LPAR6: variants seen among roughly 807,000 people sequenced by gnomAD.
LPAR6 encodes G-protein coupled purinergic receptor P2Y5.
Under a neutral mutation model 22.0 loss-of-function variants are expected in LPAR6, and 17 were observed. The ratio of observed to expected loss-of-function variants is 0.77; its 90% confidence interval spans 0.53 to 1.16. The LOEUF is 1.16. Among genes scored for constraint, LPAR6 ranks in the 50% most tolerant of loss-of-function variants. The probability of loss-of-function intolerance (pLI) is 0.00; values close to 1 mark genes in which losing one functional copy is unlikely to be tolerated. For synonymous variants in LPAR6, 136 were observed against 139.8 expected (o/e 0.97, Z 0.19); for missense variants, 384 against 406.9 (o/e 0.94, Z 0.48).
At chr13:48,400,655 G>T (rs910326574) in intron 1 of LPAR6, among the ~76,000 whole-genome samples, 5 of 152,214 alleles carry the variant, frequency 3.3e-5, no homozygotes, top group African/African-American at 1.2e-4. Flanking sequence ...GAGGTCCAGA[G>T]ATGTCATGTA....
chr13:48,423,613 C>A (rs868217251), intron 1 of LPAR6, among the ~76,000 whole-genome samples: 1 of 152,190 alleles, frequency 6.6e-6, no homozygotes, highest in Admixed American at 6.5e-5. Context: ...TTAAAGAATT[C>A]TCTCATTAAA....
chr13:48,408,809 T>A (rs369062550), downstream of LPAR6: 1 of 152,322 alleles, frequency 6.6e-6, no homozygotes, highest in African/African-American at 2.4e-5. Context: ...ATGAACATAG[T>A]AATAACAACT....
upstream of LPAR6, among the ~76,000 whole-genome samples, chr13:48,413,349 AGTT>A (rs1435623414): frequency 6.6e-6 from 1 of 152,126 alleles, no homozygotes; most frequent in Non-Finnish European, 1.5e-5. Flanking sequence ...AACCTCTCAG[AGTT>A]GTTTTGATTT....
At chr13:48,438,693 T>C (rs1949207518) in intron 1 of LPAR6, among the ~76,000 whole-genome samples, 1 of 152,208 alleles carries the variant, frequency 6.6e-6, no homozygotes, top group Non-Finnish European at 1.5e-5. Flanking sequence ...CTACCTTTCT[T>C]CACTTATAAA....
At chr13:48,401,637 A>G (rs1394908129) in intron 1 of LPAR6, among the ~76,000 whole-genome samples, 1 of 152,122 alleles carries the variant, frequency 6.6e-6, no homozygotes, top group Non-Finnish European at 1.5e-5. Context: ...TGTTGTTACT[A>G]ATTTACTTAA....
At position 48,411,941 on chromosome 13, in the gene LPAR6, AC is replaced by A; in HGVS notation, c.482del (p.Gly161ValfsTer25). Reference sequence around the variant, plus strand: ...CAAAGCAGGCTTCTGAGGCATTGTTACCCTGAGAGTGGGTAGACTGAACAAA... The same window carrying A: ...CAAAGCAGGCTTCTGAGGCATTGTTACCTGAGAGTGGGTAGACTGAACAAA... ...AVFVQSTHSQ[G>X]NNASEACFEN... On this transcript the variant is annotated frameshift_variant, in exon 1 of 1. Coordinates refer to ENST00000620633, the MANE Select transcript of LPAR6 (RefSeq NM_001162498.3). LOFTEE classifies it high-confidence loss of function. 1.2e-6 allele frequency: 2 copies of A among 1,612,386 alleles called. No homozygotes were observed. Among genetic ancestry groups the A allele is most frequent in the Non-Finnish European group, 1.7e-6 (2 of 1,179,084 alleles).
upstream of LPAR6, chr13:48,416,339 T>C (rs1948909665): frequency 6.6e-6 from 1 of 152,256 alleles, no homozygotes; most frequent in South Asian, 2.1e-4. Context: ...GCCAGGGAAC[T>C]TCCTCCCCTA....
intron 1 of LPAR6, among the ~76,000 whole-genome samples, chr13:48,436,486 T>C (rs1387114265): frequency 6.6e-6 from 1 of 151,906 alleles, no homozygotes; most frequent in Non-Finnish European, 1.5e-5. Context: ...CTACTAAAAA[T>C]ACAAAAATTA....
downstream of LPAR6, chr13:48,406,454 A>G (rs1011302316): frequency 6.6e-6 from 1 of 152,188 alleles, no homozygotes; most frequent in Non-Finnish European, 1.5e-5. Flanking sequence ...TTTAAATTGT[A>G]TAAATATAGT....
intron 1 of LPAR6, among the ~76,000 whole-genome samples, chr13:48,423,320 G>T (rs1949033410): frequency 6.6e-6 from 1 of 152,056 alleles, no homozygotes; most frequent in Non-Finnish European, 1.5e-5. Flanking sequence ...TGTCATCCAG[G>T]CTGGAGTGCA....
At chr13:48,408,562 A>C (rs1457807989), downstream of LPAR6, 2 of 152,134 alleles carry the variant, frequency 1.3e-5, no homozygotes, top group Non-Finnish European at 2.9e-5. Flanking sequence ...TTCTAATATT[A>C]ATATAGGTTT....
downstream of LPAR6, among the ~76,000 whole-genome samples, chr13:48,409,890 A>T (rs370773275): frequency 1.3e-5 from 2 of 152,112 alleles, no homozygotes; most frequent in Non-Finnish European, 2.9e-5. Flanking sequence ...GAATTTTTTT[A>T]AAAAAGGAAT....
At chr13:48,431,851 C>G (rs1023227694), upstream of LPAR6, among the ~76,000 whole-genome samples, 5 of 152,078 alleles carry the variant, frequency 3.3e-5, no homozygotes, top group Non-Finnish European at 5.9e-5. Context: ...AAAATTTTTT[C>G]CTGCTTATGT....
chr13:48,412,248 AAGTT>A lies in LPAR6; in HGVS notation c.172_175del (p.Asn58TrpfsTer35). ...AACAAAAAGCAAGTCTGACATTGCCAAGTTAATCATGTAAGTTGTAGTTTCATTT... is the reference window on the plus strand; with the variant it reads ...AACAAAAAGCAAGTCTGACATTGCCAAATCATGTAAGTTGTAGTTTCATTT... On this transcript the variant is annotated frameshift_variant, in exon 1 of 1. Coordinates refer to ENST00000620633, the MANE Select transcript of LPAR6 (RefSeq NM_001162498.3). LOFTEE classifies it high-confidence loss of function. 6.2e-7 allele frequency: 1 copy of A among 1,614,164 alleles called. No individual in the cohort carries two copies. The highest frequency in any genetic ancestry group is 1.1e-5 in the South Asian group (1 of 91,084).
chr13:48,440,169 T>C (rs1949223159), intron 1 of LPAR6, among the ~76,000 whole-genome samples: 1 of 152,168 alleles, frequency 6.6e-6, no homozygotes, highest in Admixed American at 6.5e-5. Flanking sequence ...TAAAGCTTCC[T>C]TGGGGACTCT....
chr13:48,435,052 T>G (rs1949169614), intron 1 of LPAR6, among the ~76,000 whole-genome samples: 1 of 152,210 alleles, frequency 6.6e-6, no homozygotes, highest in Non-Finnish European at 1.5e-5. Flanking sequence ...AGTATGGGTT[T>G]TCTTTTCTCT....
At chr13:48,422,951 G>A (rs1278384222) in intron 1 of LPAR6, among the ~76,000 whole-genome samples, 1 of 152,044 alleles carries the variant, frequency 6.6e-6, no homozygotes, top group Non-Finnish European at 1.5e-5. Flanking sequence ...GACCAGCCTA[G>A]GCAACATAGT....
At chr13:48,405,179 G>A (rs1170999860) in intron 1 of LPAR6, among the ~76,000 whole-genome samples, 28 of 152,134 alleles carry the variant, frequency 1.8e-4, no homozygotes, top group Admixed American at 1.8e-3. Context: ...CCCAGAAAAT[G>A]TTTGTTCCAC....
chr13:48,418,142 T>A (rs1370002809), intron 2 of LPAR6, among the ~76,000 whole-genome samples: 1 of 152,058 alleles, frequency 6.6e-6, no homozygotes, highest in Non-Finnish European at 1.5e-5. Context: ...AAAGGTCGGG[T>A]TACCTACAAA....
Sources: gnomAD v4.1 joint callset for allele counts (sites outside exome capture counted in the v4.1 genomes callset) on GRCh38, gnomAD v4.1.1 for gene constraint, MANE v1.5 for transcripts, NCBI Gene and HGNC (gene_info 2026-07-23, HGNC 2026-07-21) for gene names.